Variants in TANC1 observed in about 807,000 individuals in gnomAD.
TANC1 encodes the protein tetratricopeptide repeat, ankyrin repeat and coiled-coil containing 1.
In TANC1, 77 loss-of-function variants were observed where a neutral mutation model predicts 149.7. That is an observed-to-expected ratio of 0.51 (90% CI 0.43 to 0.62). The LOEUF is 0.62. TANC1 is among the 20% of genes least tolerant of loss of function. The pLI is 0.00. For synonymous variants in TANC1, 854 were observed against 925.0 expected (o/e 0.92, Z 1.39); for missense variants, 1,985 against 2,321.8 (o/e 0.85, Z 2.98).
chr2:159,149,462 A>G, intron 6 of TANC1, 190 bp downstream of exon 6: 1 of 717,842 alleles, frequency 1.4e-6, no homozygotes, highest in Non-Finnish European at 2.4e-6. Flanking sequence ...AAAAGCAGAA[A>G]GAAGCAGAAC....
chr2:159,225,603 G>A lies in TANC1; in HGVS notation c.3812-85G>A. ...TTGCAGCTGGGCTCCTGCTGGTGCT[G>A]ACCTCCAGCCGTGGGGCCACGGAGG... On this transcript the variant is annotated intron_variant, in intron 23 of 26. Transcript: ENST00000263635. 5 of 1,047,040 alleles carry A rather than the reference G, an allele frequency of 4.8e-6. No homozygotes were observed. The South Asian group carries it at 5.2e-5, about 11-fold the overall frequency. 64.9% of individuals were successfully genotyped at this position (1,047,040 alleles called of 1,614,324 possible).
chr2:159,072,818 AC>A (rs994203700), intron 3 of TANC1, among the ~76,000 whole-genome samples: 29 of 152,144 alleles, frequency 1.9e-4, no homozygotes, highest in African/African-American at 7.0e-4. Context: ...AGAAGACAGG[AC>A]TGATCTCAGA....
chr2:159,136,061 C>CTT (rs1553568485), intron 4 of TANC1, 133 bp from the exon 5 acceptor site: 1 of 461,934 alleles, frequency 2.2e-6, no homozygotes, highest in Non-Finnish European at 3.9e-6. Flanking sequence ...CGCGCGCGCG[C>CTT]GTTTAAGGGA....
chr2:159,104,245 C>T (rs1269262459), intron 4 of TANC1, among the ~76,000 whole-genome samples: 2 of 96,116 alleles, frequency 2.1e-5, no homozygotes, highest in East Asian at 4.6e-4. Flanking sequence ...TGTGTTCATA[C>T]ATAGAACCAG....
chr2:159,210,487 C>A (rs76981418), intron 19 of TANC1, among the ~76,000 whole-genome samples: 1,719 of 152,290 alleles, frequency 0.011, 15 homozygotes, highest in Non-Finnish European at 0.015. Flanking sequence ...TTCCTGCAAA[C>A]CATCCATTTT....
intron 4 of TANC1, among the ~76,000 whole-genome samples, chr2:159,110,367 G>A (rs554844116): frequency 6.6e-6 from 1 of 152,246 alleles, no homozygotes; most frequent in Non-Finnish European, 1.5e-5. Flanking sequence ...TGTACAGTGA[G>A]TAGGCACTGT....
At position 159,180,139 on chromosome 2, in the gene TANC1, G is replaced by A. The variant is rs373975310; in HGVS notation, c.2510+976G>A. ...GACTGAACATCCACCTGATAGGCCT[G>A]GCTGCTGTTCATGTTGGGGCTGTTA... On this transcript the variant is annotated intron_variant, in intron 14 of 26. Transcript: ENST00000263635. 3.5e-4 allele frequency among the ~76,000 whole-genome samples: 53 copies of A among 152,336 alleles called. 1 individual carries two copies. Among genetic ancestry groups the A allele is most frequent in the African/African-American group, 1.3e-3 (52 of 41,582 alleles).
At chr2:159,120,602 ATTT>A (rs2150088324) in intron 4 of TANC1, among the ~76,000 whole-genome samples, 1 of 152,278 alleles carries the variant, frequency 6.6e-6, no homozygotes, top group South Asian at 2.1e-4. Context: ...AATTTTAATT[ATTT>A]TTAGAATGAA....
intron 2 of TANC1, among the ~76,000 whole-genome samples, chr2:159,034,062 T>C (rs1176527695): frequency 1.3e-5 from 2 of 152,206 alleles, no homozygotes; most frequent in African/African-American, 4.8e-5. Context: ...TCATATCACT[T>C]CTCATATAGT....
intron 1 of TANC1, among the ~76,000 whole-genome samples, chr2:158,985,701 T>G (rs2034919054): frequency 6.6e-6 from 1 of 152,108 alleles, no homozygotes; most frequent in Non-Finnish European, 1.5e-5. Flanking sequence ...TGGAGTGCAG[T>G]GGCGTGATCT....
chr2:159,157,309 G>T (rs146138704), intron 7 of TANC1, among the ~76,000 whole-genome samples: 293 of 152,326 alleles, frequency 1.9e-3, no homozygotes, highest in African/African-American at 6.6e-3. Context: ...GTTCTCTGTG[G>T]TTGGTTAGTT....
At chr2:158,997,979 TA>T (rs1220038582) in intron 1 of TANC1, among the ~76,000 whole-genome samples, 8 of 152,182 alleles carry the variant, frequency 5.3e-5, no homozygotes, top group Non-Finnish European at 8.8e-5. Flanking sequence ...AATCAAAGTT[TA>T]ACACAACCAG....
At chr2:159,056,880 A>G in intron 2 of TANC1, 1 of 298,214 alleles carries the variant, frequency 3.4e-6, no homozygotes, top group South Asian at 4.0e-5. Context: ...TGGCATGTGT[A>G]CCATTTCTCC....
chr2:158,973,659 G>A (rs559129263), intron 1 of TANC1, among the ~76,000 whole-genome samples: 9 of 152,224 alleles, frequency 5.9e-5, no homozygotes, highest in Non-Finnish European at 1.0e-4. Context: ...ATCCCACAAA[G>A]AAGAGGGTTA....
chr2:159,114,549 A>AG (rs1164069209), intron 4 of TANC1, among the ~76,000 whole-genome samples: 1 of 152,204 alleles, frequency 6.6e-6, no homozygotes, highest in Admixed American at 6.5e-5. Flanking sequence ...ATACCCAGAA[A>AG]GGAAAAAATA....
chr2:159,206,903 C>G, intron 19 of TANC1, among the ~76,000 whole-genome samples: 1 of 152,172 alleles, frequency 6.6e-6, no homozygotes, highest in Non-Finnish European at 1.5e-5. Flanking sequence ...ACCCAGCCTT[C>G]CACATGCGAA....
chr2:159,172,306 T>G, intron 11 of TANC1, 34 bp downstream of exon 11: 1 of 1,598,762 alleles, frequency 6.3e-7, no homozygotes, highest in Non-Finnish European at 8.5e-7. Context: ...GCCTTCCACA[T>G]AGAGAGATTT....
intron 2 of TANC1, among the ~76,000 whole-genome samples, chr2:159,037,930 A>G (rs1400172102): frequency 6.6e-6 from 1 of 152,222 alleles, no homozygotes; most frequent in East Asian, 1.9e-4. Context: ...CATTGAATCT[A>G]TAAATTACCT....
intron 19 of TANC1, among the ~76,000 whole-genome samples, chr2:159,216,983 A>G (rs2059388372): frequency 6.6e-6 from 1 of 152,176 alleles, no homozygotes. Context: ...CCTGAGAAAA[A>G]CAAAAACAAA....
Sources: allele counts gnomAD v4.1 joint callset (sites outside exome capture counted in the v4.1 genomes callset), GRCh38; gene constraint gnomAD v4.1.1; transcripts MANE v1.5; gene names NCBI Gene and HGNC (gene_info 2026-07-23, HGNC 2026-07-21).